The following CD99 variants were observed in gnomAD, a reference collection of about 807,000 sequenced individuals.
CD99 encodes CD99 antigen.
Under a neutral mutation model 28.4 loss-of-function variants are expected in CD99, and 19 were observed. The observed-to-expected ratio is 0.67, with a 90% CI of 0.47 to 0.98. The LOEUF is 0.98. Ranked by LOEUF, CD99 falls within the 50% of genes least tolerant of loss-of-function variation. The pLI, the probability that CD99 is intolerant of heterozygous loss-of-function variation, is 0.00. For synonymous variants in CD99, 103 were observed against 92.1 expected (o/e 1.12, Z -0.67); for missense variants, 283 against 248.8 (o/e 1.14, Z -0.92).
rs778304874 is a variant in CD99 at position 2,726,347 on chromosome X, A to T, written c.449A>T (p.Lys150Ile). The T allele has an allele frequency of 3.0e-5, 49 of 1,609,694 alleles. No individual in the cohort carries two copies. Among genetic ancestry groups the T allele is most frequent in the Non-Finnish European group, 4.0e-5 (47 of 1,177,270 alleles). The change falls in exon 8 of 10, where the codon AAA (lysine) becomes ATA (isoleucine). Residue 150 changes from lysine (K) to isoleucine (I), a missense_variant. Transcript: ENST00000381192. ...GAISSFIAYQ[K>I]KKLCFKENAE... ...ATCTCTAGCTTCATTGCTTACCAGA[A>T]AAAGAAGCTATGCTTCAAAGAAAAT...
intron 1 of CD99, among the ~76,000 whole-genome samples, chrX:2,705,997 C>T (rs2048094800): frequency 6.6e-6 from 1 of 151,282 alleles, no homozygotes. Context: ...CCCCCCAAAC[C>T]TGGAATGAAA....
intron 5 of CD99, among the ~76,000 whole-genome samples, chrX:2,721,451 G>A (rs2048989598): frequency 6.6e-6 from 1 of 151,792 alleles, no homozygotes. Context: ...ACACAGCATC[G>A]TGACCAGTTA....
At chrX:2,730,757 C>T (rs753218674) in intron 8 of CD99, among the ~76,000 whole-genome samples, 3 of 151,902 alleles carry the variant, frequency 2.0e-5, no homozygotes, top group Middle Eastern at 3.4e-3. Flanking sequence ...GGTGAAACCC[C>T]GTCTCTACTA....
intron 8 of CD99, among the ~76,000 whole-genome samples, chrX:2,732,434 C>T (rs1167386357): frequency 6.6e-6 from 1 of 150,654 alleles, no homozygotes; most frequent in East Asian, 1.9e-4. Context: ...GATTGGCTCT[C>T]CCTGTCTCCT....
At chrX:2,736,348 C>T (rs1236485761) in intron 8 of CD99, among the ~76,000 whole-genome samples, 1 of 151,916 alleles carries the variant, frequency 6.6e-6, no homozygotes, top group Non-Finnish European at 1.5e-5. Flanking sequence ...GCCACAGATT[C>T]GATGAGCTTC....
chrX:2,719,766 C>G, intron 4 of CD99, 61 bp downstream of exon 4: 1 of 1,504,536 alleles, frequency 6.6e-7, no homozygotes, highest in East Asian at 2.3e-5. Context: ...CAATTATGAT[C>G]ATTTCAGAGA....
rs1246911812 is a variant in CD99, at chrX:2,726,381, T to G, written c.475+8T>G. On this transcript the variant is annotated splice_region_variant and intron_variant, in intron 8 of 9. Transcript: ENST00000381192. ...TATGCTTCAAAGAAAATGGTAAGTC[T>G]CAGTCCGCCGGTGCCTCTCCTTCAT... The G allele has an allele frequency of 1.3e-6, 2 of 1,544,024 alleles. No individual in the cohort carries two copies. Among genetic ancestry groups the G allele is most frequent in the East Asian group, 2.2e-5 (1 of 44,540 alleles).
intron 8 of CD99, among the ~76,000 whole-genome samples, chrX:2,726,811 CG>C (rs1383531894): frequency 7.0e-6 from 1 of 143,276 alleles, no homozygotes; most frequent in Admixed American, 6.6e-5. Context: ...GGGGCCGCCA[CG>C]GTCCTTTCTC....
intron 9 of CD99, among the ~76,000 whole-genome samples, chrX:2,739,248 A>G (rs1218716180): frequency 2.0e-5 from 3 of 152,144 alleles, no homozygotes; most frequent in African/African-American, 7.2e-5. Context: ...GAAACTTCTC[A>G]GGGTAAAAGG....
chrX:2,723,881 G>C (rs927727458), intron 7 of CD99, among the ~76,000 whole-genome samples: 2 of 151,864 alleles, frequency 1.3e-5, no homozygotes, highest in Admixed American at 6.6e-5. Flanking sequence ...AATAATGACA[G>C]ACAGAATTCC....
At chrX:2,705,020 T>G (rs1035404828) in intron 1 of CD99, among the ~76,000 whole-genome samples, 11 of 152,244 alleles carry the variant, frequency 7.2e-5, no homozygotes, top group Non-Finnish European at 1.5e-4. Context: ...CGGCCACCTA[T>G]GTATAATTTT....
At chrX:2,712,882 CACA>C (rs1431349966) in intron 1 of CD99, among the ~76,000 whole-genome samples, 1 of 152,126 alleles carries the variant, frequency 6.6e-6, no homozygotes, top group Non-Finnish European at 1.5e-5. Flanking sequence ...CACACGTGCA[CACA>C]ACTACATGTG....
At chrX:2,724,228 A>G (rs17808254) in intron 7 of CD99, among the ~76,000 whole-genome samples, 7,529 of 152,232 alleles carry the variant, frequency 0.049, 291 homozygotes, top group East Asian at 0.13. Flanking sequence ...TTGGCCTTCT[A>G]GAGAGTTAAT....
rs1242942158 is a variant in CD99 at position 2,691,423 on chromosome X, C to T, written c.63C>T (p.Ala21=). Residue 21 remains alanine, a synonymous_variant, in exon 1 of 10, where the codon GCC becomes GCT. Transcript: ENST00000381192. ...GCCTGCTGGGTGTTCTGGTCGCCGC[C>T]CCGGGTGAGCGAGCGGAGGGATCCG... ...LFGLLGVLVA[A]PDGGFDLSDA... 6 of 1,583,308 alleles carry T rather than the reference C, an allele frequency of 3.8e-6. No individual in the cohort carries two copies. Among genetic ancestry groups the T allele is most frequent in the Non-Finnish European group, 4.3e-6 (5 of 1,173,834 alleles).
At chrX:2,724,367 G>A (rs2049163228) in intron 7 of CD99, among the ~76,000 whole-genome samples, 1 of 152,180 alleles carries the variant, frequency 6.6e-6, no homozygotes. Context: ...TTTGGAGCCA[G>A]TGTTTTTGCT....
At position 2,740,998 on chromosome X, in the gene CD99, C is replaced by A; in HGVS notation, c.*194C>A. 1 of 678,882 alleles carries A rather than the reference C, an allele frequency of 1.5e-6. No individual in the cohort carries two copies. The highest frequency in any genetic ancestry group is 2.6e-6 in the Non-Finnish European group (1 of 384,806). The allele number at this position is 678,882 out of a possible 1,614,324, so 42.1% of individuals were successfully genotyped here. A position where few individuals can be genotyped will look rare whatever the true frequency, so the allele number is the denominator to read the frequency against. On this transcript the variant is annotated 3_prime_UTR_variant, in exon 10 of 10. Coordinates refer to ENST00000381192, the MANE Select transcript of CD99 (RefSeq NM_002414.5). ...GTTTACTAACGATGAATTTTACATC[C>A]AAAGGGGGATAGGCACTTGGACCCC...
intron 1 of CD99, among the ~76,000 whole-genome samples, chrX:2,712,324 T>C (rs772539264): frequency 1.3e-5 from 2 of 152,120 alleles, no homozygotes; most frequent in Non-Finnish European, 2.9e-5. Flanking sequence ...AGGGTGACTG[T>C]GGTTAGTAAG....
intron 7 of CD99, among the ~76,000 whole-genome samples, chrX:2,725,113 A>G (rs1186810767): frequency 1.3e-5 from 2 of 149,548 alleles, no homozygotes; most frequent in East Asian, 3.9e-4. Context: ...AAAAAAAAAA[A>G]GGCTGAGTGT....
chrX:2,723,182 CAGCTCTGT>C, intron 6 of CD99, 124 bp from the exon 7 acceptor site: 1 of 910,312 alleles, frequency 1.1e-6, no homozygotes, highest in South Asian at 1.4e-5. Flanking sequence ...GGCAGGACCC[CAGCTCTGT>C]AGCTGGGTAA....
Sources: allele counts gnomAD v4.1 joint callset (sites outside exome capture counted in the v4.1 genomes callset), GRCh38; gene constraint gnomAD v4.1.1; transcripts MANE v1.5; gene names NCBI Gene and HGNC (gene_info 2026-07-23, HGNC 2026-07-21).